The following HEATR5A variants were observed in gnomAD, a reference collection of about 807,000 sequenced individuals.
HEATR5A encodes HEAT repeat containing 5A.
In HEATR5A, 178 loss-of-function variants were observed where a neutral mutation model predicts 218.8. The ratio of observed to expected loss-of-function variants is 0.81; its 90% CI spans 0.72 to 0.92. The LOEUF (loss-of-function observed/expected upper bound fraction) is 0.92, where lower values mean the gene tolerates loss of function less well. Ranked by LOEUF, HEATR5A falls within the 40% of genes least tolerant of loss-of-function variation. The pLI, the probability that HEATR5A is intolerant of heterozygous loss-of-function variation, is 0.00. For missense variants in HEATR5A, 2,420 were observed against 2,418.9 expected, an observed-to-expected ratio of 1.00 and a Z score of -0.01; for synonymous variants, 864 against 871.6, an observed-to-expected ratio of 0.99 and a Z score of 0.15.
chr14:31,398,051 G>T (rs2030727400), intron 4 of HEATR5A, among the ~76,000 whole-genome samples: 1 of 152,154 alleles, frequency 6.6e-6, no homozygotes, highest in Non-Finnish European at 1.5e-5. Flanking sequence ...TTCAAAACCA[G>T]TAAAACCACA....
At chr14:31,374,131 C>T (rs1211775436) in intron 12 of HEATR5A, among the ~76,000 whole-genome samples, 1 of 151,830 alleles carries the variant, frequency 6.6e-6, no homozygotes. Context: ...CATAGTGAGA[C>T]TCCATCTCTA....
chr14:31,324,630 A>G (rs1900206372), intron 23 of HEATR5A, among the ~76,000 whole-genome samples: 1 of 152,164 alleles, frequency 6.6e-6, no homozygotes, highest in Admixed American at 6.6e-5. Context: ...AAATTTAAAA[A>G]AGATAATTGA....
chr14:31,311,608 A>C (rs1024052166), intron 28 of HEATR5A, among the ~76,000 whole-genome samples: 7 of 152,136 alleles, frequency 4.6e-5, no homozygotes, highest in African/African-American at 1.4e-4. Flanking sequence ...AAAGAAAAGG[A>C]CAAGTTACAG....
chr14:31,321,806 T>C (rs896474886), intron 24 of HEATR5A, 126 bp from the exon 25 acceptor site: 2 of 679,112 alleles, frequency 2.9e-6, no homozygotes, highest in African/African-American at 3.6e-5. Context: ...TGATATACTG[T>C]TTTTGCTGTT....
intron 33 of HEATR5A, among the ~76,000 whole-genome samples, chr14:31,298,197 ACTG>A (rs759256291): frequency 2.8e-4 from 43 of 152,294 alleles, no homozygotes; most frequent in Non-Finnish European, 5.3e-4. Flanking sequence ...ACATAGCTAA[ACTG>A]CTCCTAATCC....
At chr14:31,334,581 A>T (rs1373433708) in intron 22 of HEATR5A, 2 of 377,726 alleles carry the variant, frequency 5.3e-6, no homozygotes, top group South Asian at 4.0e-5. Context: ...ATCAAAAAGC[A>T]TTGCATGTTA....
At chr14:31,369,924 ACT>A (rs1486635208) in intron 13 of HEATR5A, among the ~76,000 whole-genome samples, 10 of 96,374 alleles carry the variant, frequency 1.0e-4, no homozygotes, top group Non-Finnish European at 1.4e-4. Flanking sequence ...ACAGTGTAAG[ACT>A]CTATCTCAAA....
rs1900927190 is a variant in HEATR5A, at chr14:31,343,927, A to G, written c.3197T>C (p.Val1066Ala). Residue 1066 changes from valine to alanine, a missense_variant, in exon 21 of 36, where the codon GTC becomes GCC. Transcript: ENST00000543095. ...QQLHMFAPRH[V>A]NLSSLVSCLC... ...GCAGCTAACCAGGCTAGACAAGTTG[A>G]CATGTCGTGGAGCAAACATATGAAG... The G allele has an allele frequency of 6.2e-6, 10 of 1,608,772 alleles. No homozygotes were observed. Among genetic ancestry groups the G allele is most frequent in the Non-Finnish European group, 8.5e-6 (10 of 1,178,404 alleles).
chr14:31,379,164 T>C (rs1371719670), intron 11 of HEATR5A, among the ~76,000 whole-genome samples: 1 of 151,820 alleles, frequency 6.6e-6, no homozygotes, highest in African/African-American at 2.4e-5. Flanking sequence ...GCCAGGCTGG[T>C]CTTGAACTCC....
chr14:31,322,005 A>G (rs913223991), intron 24 of HEATR5A, among the ~76,000 whole-genome samples: 4 of 152,136 alleles, frequency 2.6e-5, no homozygotes, highest in Non-Finnish European at 5.9e-5. Context: ...TATGGAGGAG[A>G]CTTTGGGCTT....
intron 9 of HEATR5A, among the ~76,000 whole-genome samples, chr14:31,384,363 G>C (rs1318879114): frequency 1.3e-5 from 2 of 151,446 alleles, no homozygotes; most frequent in Non-Finnish European, 2.9e-5. Context: ...AGGATCGCTT[G>C]AGCCAGGGTG....
chr14:31,395,191 C>G lies in HEATR5A; in HGVS notation c.597+8G>C. On this transcript the variant is annotated splice_region_variant and intron_variant, in intron 5 of 35. Transcript: ENST00000543095. ...AATTTTTAAAGTCTGCTTATTAGAT[C>G]ATTTTACCTTTGCAGCAGCACAACG... is the stretch of plus-strand genomic sequence containing the variant. 13 of 1,490,500 alleles carry G rather than the reference C, an allele frequency of 8.7e-6. No homozygotes were observed. Among genetic ancestry groups the G allele is most frequent in the Non-Finnish European group, 1.1e-5 (12 of 1,122,566 alleles). 92.3% of individuals were successfully genotyped at this position (1,490,500 alleles called of 1,614,324 possible). A position where few individuals can be genotyped will look rare whatever the true frequency, so the allele number is the denominator to read the frequency against.
chr14:31,352,657 ATT>A (rs1311200271), intron 16 of HEATR5A, among the ~76,000 whole-genome samples: 1 of 152,148 alleles, frequency 6.6e-6, no homozygotes, highest in Admixed American at 6.5e-5. Flanking sequence ...TATAAAATCA[ATT>A]TATAAAATGT....
chr14:31,363,195 T>C (rs573547672), intron 14 of HEATR5A, among the ~76,000 whole-genome samples: 65 of 149,702 alleles, frequency 4.3e-4, no homozygotes, highest in African/African-American at 1.5e-3. Flanking sequence ...GCCGAGATCA[T>C]GCCACTGCAC....
At chr14:31,331,530 T>C (rs906350933) in intron 22 of HEATR5A, among the ~76,000 whole-genome samples, 1 of 152,078 alleles carries the variant, frequency 6.6e-6, no homozygotes, top group Non-Finnish European at 1.5e-5. Flanking sequence ...TCCAAACCAT[T>C]CCAACCACTG....
chr14:31,333,858 C>T (rs1309195749), intron 22 of HEATR5A, among the ~76,000 whole-genome samples: 1 of 147,194 alleles, frequency 6.8e-6, no homozygotes, highest in Non-Finnish European at 1.5e-5. Flanking sequence ...AAGGTGAGAC[C>T]CCATCTCTAC....
intron 22 of HEATR5A, among the ~76,000 whole-genome samples, chr14:31,329,310 TC>T (rs1812765295): frequency 6.6e-6 from 1 of 152,156 alleles, no homozygotes; most frequent in African/African-American, 2.4e-5. Flanking sequence ...AACTCAAAAG[TC>T]CATAGTCCAA....
intron 7 of HEATR5A, among the ~76,000 whole-genome samples, chr14:31,388,526 GCACA>G (rs1195581083): frequency 2.0e-5 from 3 of 152,050 alleles, no homozygotes; most frequent in African/African-American, 7.2e-5. Flanking sequence ...AACTGCATGA[GCACA>G]CACAAATACA....
chr14:31,313,860 C>CA (rs1269604674), intron 27 of HEATR5A, among the ~76,000 whole-genome samples: 12 of 152,160 alleles, frequency 7.9e-5, no homozygotes. Flanking sequence ...ATATATTGGT[C>CA]AGTCATTATT....
Sources: allele counts gnomAD v4.1 joint callset (sites outside exome capture counted in the v4.1 genomes callset), GRCh38; gene constraint gnomAD v4.1.1; transcripts MANE v1.5; gene names NCBI Gene and HGNC (gene_info 2026-07-23, HGNC 2026-07-21).